Variants in CHODL observed in about 807,000 individuals in gnomAD.
CHODL encodes the protein chondrolectin, also known as transmembrane protein MT75.
CHODL carries 29 observed loss-of-function variants against 34.5 expected under a neutral mutation model. That is an observed-to-expected ratio of 0.84 (90% CI 0.63 to 1.15). CHODL has a LOEUF of 1.15. Ranked by LOEUF, CHODL falls within the 50% of genes most tolerant of loss-of-function variation. The probability of loss-of-function intolerance (pLI) is 0.00; values close to 1 mark genes in which losing one functional copy is unlikely to be tolerated. For missense variants in CHODL, 332 were observed against 332.5 expected (o/e 1.00, Z 0.01); for synonymous variants, 125 against 116.1 (o/e 1.08, Z -0.49).
rs191769049 is a variant in CHODL, at chr21:18,139,671, A to G, written c.-45+111700A>G. 2.0e-5 allele frequency among the ~76,000 whole-genome samples: 3 copies of G among 152,276 alleles called. No homozygotes were observed. The East Asian group carries it at 5.8e-4, about 29-fold the overall frequency. On this transcript the variant is annotated intron_variant, in intron 2 of 6. Transcript: ENST00000400127. ...ACTTTGCAGGCCCATTCAGAGAGCT[A>G]AATAAAACAACATGGTTGCAGGTAA...
In CHODL at chr21:18,265,976, C is replaced by G; in HGVS notation, c.760C>G (p.Pro254Ala). 1 of 1,612,954 alleles carries G rather than the reference C, an allele frequency of 6.2e-7. No individual in the cohort carries two copies. The highest frequency in any genetic ancestry group is 8.5e-7 in the Non-Finnish European group (1 of 1,179,538). Reference sequence around the variant, plus strand: ...CAGTAAAGGAAGAACAAAAACTAGTCCAAACCAGTCTACACTGTGGATTTC... The same window carrying G: ...CAGTAAAGGAAGAACAAAAACTAGTGCAAACCAGTCTACACTGTGGATTTC... ...HKSKGRTKTS[P>A]NQSTLWISKS... The change falls in exon 6 of 6, where the codon CCA becomes GCA. Residue 254 changes from proline (P) to alanine (A), a missense_variant. Transcript: ENST00000299295.
intron 2 of CHODL, among the ~76,000 whole-genome samples, chr21:18,214,073 C>T (rs549539835): frequency 3.3e-5 from 5 of 152,092 alleles, no homozygotes; most frequent in South Asian, 2.1e-4. Flanking sequence ...TTTTTCTATC[C>T]GTAGACTCTA....
At chr21:18,020,894 C>G (rs2146425353) in intron 1 of CHODL, among the ~76,000 whole-genome samples, 1 of 152,158 alleles carries the variant, frequency 6.6e-6, no homozygotes, top group South Asian at 2.1e-4. Flanking sequence ...CACTTGAGTC[C>G]AAGAGTTCAA....
intron 2 of CHODL, among the ~76,000 whole-genome samples, chr21:18,234,980 T>C (rs1489251898): frequency 6.6e-6 from 1 of 152,140 alleles, no homozygotes; most frequent in Non-Finnish European, 1.5e-5. Context: ...TAAAGTGGCC[T>C]GATGTGGCTT....
chr21:17,998,485 C>G (rs893628756), intron 1 of CHODL, among the ~76,000 whole-genome samples: 8 of 152,210 alleles, frequency 5.3e-5, no homozygotes, highest in Admixed American at 1.3e-4. Context: ...AGCTCTGACC[C>G]CACATTTCTC....
chr21:18,101,748 G>C (rs1044291951), intron 2 of CHODL, among the ~76,000 whole-genome samples: 1 of 149,758 alleles, frequency 6.7e-6, no homozygotes, highest in African/African-American at 2.5e-5. Flanking sequence ...CTGTACTTGT[G>C]AGTGTATAAG....
intron 2 of CHODL, among the ~76,000 whole-genome samples, chr21:18,116,315 T>C (rs2065412596): frequency 1.3e-5 from 2 of 151,986 alleles, no homozygotes; most frequent in Non-Finnish European, 2.9e-5. Context: ...CTCTCTCTCT[T>C]TCTCTTTTCT....
At chr21:18,195,140 T>C (rs982419392) in intron 2 of CHODL, among the ~76,000 whole-genome samples, 12 of 152,076 alleles carry the variant, frequency 7.9e-5, no homozygotes, top group African/African-American at 2.7e-4. Flanking sequence ...CTGCAGGCTC[T>C]GCCTCCCAGG....
At chr21:17,924,170 G>A (rs572454076) in intron 1 of CHODL, among the ~76,000 whole-genome samples, 25 of 152,322 alleles carry the variant, frequency 1.6e-4, no homozygotes, top group African/African-American at 5.8e-4. Context: ...ATGTACACAA[G>A]GGGGAGAATA....
chr21:18,039,024 A>T (rs967130703), intron 2 of CHODL, among the ~76,000 whole-genome samples: 4 of 151,748 alleles, frequency 2.6e-5, no homozygotes, highest in African/African-American at 7.2e-5. Flanking sequence ...GGATCGCAAG[A>T]TGTCTTTCTT....
chr21:18,028,657 T>G (rs903230161), intron 2 of CHODL, among the ~76,000 whole-genome samples: 1 of 142,102 alleles, frequency 7.0e-6, no homozygotes, highest in African/African-American at 2.7e-5. Context: ...CAAGATCCTG[T>G]CACTGCACTC....
At position 18,034,859 on chromosome 21, in the gene CHODL, A is replaced by G. The variant is rs528800564; in HGVS notation, c.-45+6888A>G. On this transcript the variant is annotated intron_variant, in intron 2 of 6. Transcript: ENST00000400127. ...GACTTTAGGTATATTCTCTTTGACT[A>G]GAGAAGGAGAGAAAGCCTCAGGCTC... Among the ~76,000 whole-genome samples, 15 of 152,160 alleles carry G rather than the reference A, an allele frequency of 9.9e-5. No individual in the cohort carries two copies. In the South Asian group the frequency reaches 3.1e-3, roughly 32 times the overall value.
intron 2 of CHODL, among the ~76,000 whole-genome samples, chr21:18,146,809 T>G (rs2072896067): frequency 6.6e-6 from 1 of 152,222 alleles, no homozygotes. Context: ...GAAGAATATT[T>G]TGGCATCCAC....
At chr21:18,120,653 A>G (rs1397593404) in intron 2 of CHODL, among the ~76,000 whole-genome samples, 1 of 152,118 alleles carries the variant, frequency 6.6e-6, no homozygotes, top group East Asian at 1.9e-4. Context: ...ATGTGTCTCT[A>G]TGTCTATCTA....
At chr21:17,931,273 C>T (rs1055844312) in intron 1 of CHODL, among the ~76,000 whole-genome samples, 15 of 152,180 alleles carry the variant, frequency 9.9e-5, no homozygotes, top group Admixed American at 7.2e-4. Context: ...TAAGCACCAC[C>T]TACTGGTCTG....
intron 2 of CHODL, among the ~76,000 whole-genome samples, chr21:18,126,101 G>T (rs780058452): frequency 3.9e-5 from 6 of 152,190 alleles, no homozygotes; most frequent in Non-Finnish European, 7.3e-5. Flanking sequence ...GCTTGAAGCT[G>T]CAGTGAGCTA....
chr21:18,212,147 A>G (rs2073780878), intron 2 of CHODL, among the ~76,000 whole-genome samples: 2 of 152,172 alleles, frequency 1.3e-5, no homozygotes, highest in African/African-American at 4.8e-5. Context: ...GAAATAGCTG[A>G]ACACTGATGT....
intron 1 of CHODL, among the ~76,000 whole-genome samples, chr21:18,020,699 A>G (rs547593891): frequency 1.2e-4 from 18 of 152,286 alleles, no homozygotes; most frequent in African/African-American, 4.3e-4. Context: ...CAAAATATAG[A>G]TGTTGAGGTC....
chr21:18,008,441 G>A (rs541304711), intron 1 of CHODL, among the ~76,000 whole-genome samples: 5 of 151,930 alleles, frequency 3.3e-5, no homozygotes, highest in Non-Finnish European at 7.4e-5. Flanking sequence ...CGTTCATTTT[G>A]CATAAAGAAA....
Sources: allele counts gnomAD v4.1 joint callset (sites outside exome capture counted in the v4.1 genomes callset), GRCh38; gene constraint gnomAD v4.1.1; transcripts MANE v1.5; gene names NCBI Gene and HGNC (gene_info 2026-07-23, HGNC 2026-07-21).